NDRG3: variants seen among roughly 807,000 people sequenced by gnomAD.
NDRG3 encodes the protein NDRG family member 3, also known as protein NDRG3.
NDRG3 carries 23 observed loss-of-function variants against 57.2 expected under a neutral mutation model. That is an observed-to-expected ratio of 0.40 (90% CI 0.29 to 0.57). The LOEUF (loss-of-function observed/expected upper bound fraction) is 0.57. NDRG3 is among the 20% of genes least tolerant of loss of function. NDRG3 has a pLI of 0.42. For missense variants in NDRG3, 384 were observed against 457.3 expected (o/e 0.84, Z 1.46); for synonymous variants, 132 against 162.6 (o/e 0.81, Z 1.43).
intron 13 of NDRG3, among the ~76,000 whole-genome samples, chr20:36,656,845 A>C (rs922205826): frequency 6.6e-6 from 1 of 152,206 alleles, no homozygotes; most frequent in Non-Finnish European, 1.5e-5. Context: ...GGTTCCTTTC[A>C]GAGCCCTCGA....
At chr20:36,719,673 C>A (rs936034494) in intron 2 of NDRG3, among the ~76,000 whole-genome samples, 2 of 151,858 alleles carry the variant, frequency 1.3e-5, no homozygotes, top group Admixed American at 6.6e-5. Context: ...GCACACCCCC[C>A]CTCCCCGCCC....
chr20:36,734,337 T>A (rs1256040365), intron 1 of NDRG3, among the ~76,000 whole-genome samples: 1 of 152,124 alleles, frequency 6.6e-6, no homozygotes, highest in Non-Finnish European at 1.5e-5. Context: ...TTCTCCCAGG[T>A]CATCACAGAT....
At chr20:36,712,594 T>TTTTTTA (rs1983989624) in intron 2 of NDRG3, among the ~76,000 whole-genome samples, 3 of 85,140 alleles carry the variant, frequency 3.5e-5, no homozygotes, top group Admixed American at 2.5e-4. Flanking sequence ...TATATTTTTT[T>TTTTTTA]TTTTTTTTTT....
intron 8 of NDRG3, among the ~76,000 whole-genome samples, chr20:36,673,859 C>T (rs1196854465): frequency 1.3e-5 from 2 of 151,890 alleles, no homozygotes; most frequent in Non-Finnish European, 1.5e-5. Context: ...AATCCCAGCA[C>T]TTTGGGAGGC....
rs139867547 is a variant in NDRG3 at position 36,693,748 on chromosome 20, A to C, written c.94-4964T>G. Reference sequence around the variant, plus strand: ...ATGAGAATCTAATGCCTGATGATCTATCACTGTCTCCCATCACCCCCACAT... The same window carrying C: ...ATGAGAATCTAATGCCTGATGATCTCTCACTGTCTCCCATCACCCCCACAT... On this transcript the variant is annotated intron_variant, in intron 3 of 15. Transcript: ENST00000349004. Among the ~76,000 whole-genome samples the C allele has an allele frequency of 6.4e-3, 973 of 151,894 alleles. 11 individuals carry two copies. The highest frequency in any genetic ancestry group is 0.022 in the African/African-American group (914 of 41,394).
intron 2 of NDRG3, among the ~76,000 whole-genome samples, chr20:36,718,326 G>A (rs1159791271): frequency 6.6e-6 from 1 of 152,162 alleles, no homozygotes; most frequent in Admixed American, 6.5e-5. Context: ...GAGTTCTCAT[G>A]AATAGTGATG....
At position 36,712,582 on chromosome 20, in the gene NDRG3, TATATA is replaced by T. The variant is rs1416109108; in HGVS notation, c.58-5580_58-5576del. Among the ~76,000 whole-genome samples, 50 of 34,590 alleles carry T rather than the reference TATATA, an allele frequency of 1.4e-3. 1 individual carries two copies. The highest frequency in any genetic ancestry group is 4.9e-3 in the African/African-American group (45 of 9,178). 22.7% of individuals were successfully genotyped at this position (34,590 alleles called of 152,430 possible). ...GGCTATATATATATATATATATATA[TATATA>T]TTTTTTTTTTTTTTTTTTTTTTTTT... On this transcript the variant is annotated intron_variant, in intron 2 of 15. Transcript: ENST00000349004.
chr20:36,665,165 G>A (rs1174148132), intron 11 of NDRG3, 68 bp from the exon 12 acceptor site: 3 of 1,602,080 alleles, frequency 1.9e-6, no homozygotes, highest in Non-Finnish European at 2.6e-6. Context: ...CACCAAATTA[G>A]TCTATGAAAG....
Position 36,653,748 on chromosome 20 carries a change from C to G in NDRG3, c.947-47G>C. The G allele has an allele frequency of 1.3e-6, 2 of 1,554,638 alleles. No homozygotes were observed. Among genetic ancestry groups the G allele is most frequent in the South Asian group, 2.3e-5 (2 of 88,262 alleles). ...ACTAGAAGATGAAGCCCCGGTTAAGCCCAGCTAACCTAGGAGTCTCATCAA... is the reference window on the plus strand; with the variant it reads ...ACTAGAAGATGAAGCCCCGGTTAAGGCCAGCTAACCTAGGAGTCTCATCAA... On this transcript the variant is annotated intron_variant, in intron 15 of 15. Transcript: ENST00000349004. This position sits in a 1 kb window ranked among gnomAD's most constrained non-coding sequence, Gnocchi z 4.2.
At chr20:36,656,722 A>G (rs1180578795) in intron 13 of NDRG3, among the ~76,000 whole-genome samples, 190 bp from the exon 14 acceptor site, 3 of 152,180 alleles carry the variant, frequency 2.0e-5, no homozygotes, top group African/African-American at 7.2e-5. Context: ...ATTATTACAT[A>G]CTTATTTATC....
chr20:36,714,138 C>A (rs1251174010), intron 2 of NDRG3, among the ~76,000 whole-genome samples: 1 of 151,912 alleles, frequency 6.6e-6, no homozygotes, highest in Non-Finnish European at 1.5e-5. Flanking sequence ...TGCCTGTAAT[C>A]CCAGCACTCT....
chr20:36,681,338 AT>A (rs1464858244), intron 7 of NDRG3, among the ~76,000 whole-genome samples: 1 of 152,088 alleles, frequency 6.6e-6, no homozygotes, highest in African/African-American at 2.4e-5. Context: ...TTAAAAAAAA[AT>A]AATGATAATA....
intron 3 of NDRG3, among the ~76,000 whole-genome samples, chr20:36,694,272 AC>A: frequency 6.6e-6 from 1 of 152,260 alleles, no homozygotes; most frequent in Middle Eastern, 3.4e-3. Flanking sequence ...AATTTGTCTG[AC>A]TTTTTACACT....
At chr20:36,728,370 C>G (rs1985073495) in intron 1 of NDRG3, among the ~76,000 whole-genome samples, 1 of 152,078 alleles carries the variant, frequency 6.6e-6, no homozygotes, top group Non-Finnish European at 1.5e-5. Context: ...GATTTTAAAA[C>G]CTTTGCTTTT....
Position 36,716,304 on chromosome 20 carries a change from G to A in NDRG3, c.57+5375C>T, listed in dbSNP as rs376133698. Among the ~76,000 whole-genome samples, 6 of 151,924 alleles carry A rather than the reference G, an allele frequency of 3.9e-5. No individual in the cohort carries two copies. In the South Asian group the frequency reaches 6.2e-4, roughly 16 times the overall value. On this transcript the variant is annotated intron_variant, in intron 2 of 15. Transcript: ENST00000349004. The stretch of plus-strand genomic sequence containing the variant: ...TCCCAGCACTTTGGGAGGCCGAGGC[G>A]GACGGATCACTTGAAGTCAGGAGTT...
At chr20:36,722,934 G>T (rs1299340539) in intron 1 of NDRG3, among the ~76,000 whole-genome samples, 2 of 152,238 alleles carry the variant, frequency 1.3e-5, no homozygotes, top group African/African-American at 2.4e-5. Flanking sequence ...GGGGAAGCTA[G>T]CTGCCAAATC....
chr20:36,732,192 C>T (rs1227734083), intron 1 of NDRG3, among the ~76,000 whole-genome samples: 3 of 152,068 alleles, frequency 2.0e-5, no homozygotes, highest in Admixed American at 2.0e-4. Context: ...AAAATGTCAC[C>T]AGGAATCCAG....
At chr20:36,703,598 C>A (rs1463986508) in intron 3 of NDRG3, among the ~76,000 whole-genome samples, 1 of 151,952 alleles carries the variant, frequency 6.6e-6, no homozygotes, top group South Asian at 2.1e-4. Context: ...CGCATGCCAT[C>A]GTGCCCAGCT....
intron 2 of NDRG3, among the ~76,000 whole-genome samples, chr20:36,708,761 C>T (rs1379359058): frequency 2.0e-5 from 3 of 152,052 alleles, no homozygotes; most frequent in Non-Finnish European, 2.9e-5. Flanking sequence ...AAGCCGGGCG[C>T]GGTGGCTCAC....
Sources: allele counts gnomAD v4.1 joint callset (sites outside exome capture counted in the v4.1 genomes callset), GRCh38; gene constraint gnomAD v4.1.1; non-coding constraint Gnocchi (gnomAD v3.1); transcripts MANE v1.5; gene names NCBI Gene and HGNC (gene_info 2026-07-23, HGNC 2026-07-21).